Variants in CAMTA1 observed in about 807,000 individuals in gnomAD.
CAMTA1 encodes the protein calmodulin binding transcription activator 1, also known as calmodulin-binding transcription activator 1.
In CAMTA1, 27 loss-of-function variants were observed where a neutral mutation model predicts 170.9. The observed-to-expected ratio is 0.16, with a 90% CI of 0.12 to 0.22. The LOEUF (loss-of-function observed/expected upper bound fraction) is 0.22. Among genes scored for constraint, CAMTA1 ranks in the 10% least tolerant of loss-of-function variants. The pLI, the probability that CAMTA1 is intolerant of heterozygous loss-of-function variation, is 1.00. For synonymous variants in CAMTA1, 833 were observed against 891.5 expected (o/e 0.93, Z 1.17); for missense variants, 1,619 against 2,217.2 (o/e 0.73, Z 5.42).
intron 3 of CAMTA1, among the ~76,000 whole-genome samples, chr1:6,894,944 G>A (rs187765031): frequency 3.9e-5 from 6 of 152,306 alleles, no homozygotes; most frequent in Admixed American, 3.9e-4. Flanking sequence ...CAGATGGAGG[G>A]TCTTTGCAAA....
At chr1:7,650,903 G>A (rs1207529661) in intron 7 of CAMTA1, among the ~76,000 whole-genome samples, 2 of 152,168 alleles carry the variant, frequency 1.3e-5, no homozygotes, top group South Asian at 2.1e-4. Context: ...AGAATACAGT[G>A]AAAATTAAAC....
intron 3 of CAMTA1, among the ~76,000 whole-genome samples, chr1:6,945,251 C>A (rs192763496): frequency 5.8e-4 from 88 of 152,304 alleles, no homozygotes; most frequent in Admixed American, 1.4e-3. Context: ...TTAGTGTATT[C>A]AGGCAGTTGT....
intron 5 of CAMTA1, among the ~76,000 whole-genome samples, chr1:7,318,602 C>G (rs1677892424): frequency 1.3e-5 from 2 of 152,154 alleles, no homozygotes; most frequent in Non-Finnish European, 2.9e-5. Flanking sequence ...CTTAGTTGAC[C>G]ACTCAGCTGA....
chr1:7,502,903 C>A (rs1026630477), intron 6 of CAMTA1, among the ~76,000 whole-genome samples: 1 of 145,232 alleles, frequency 6.9e-6, no homozygotes, highest in African/African-American at 2.5e-5. Flanking sequence ...GTGGCCCCTG[C>A]CCCGCACCCC....
intron 4 of CAMTA1, among the ~76,000 whole-genome samples, chr1:7,104,833 A>T (rs1300365780): frequency 6.6e-6 from 1 of 152,214 alleles, no homozygotes; most frequent in Non-Finnish European, 1.5e-5. Context: ...ATGGTGACGG[A>T]TAATGGAGAG....
At position 7,007,039 on chromosome 1, in the gene CAMTA1, C is replaced by T. The variant is rs895175922; in HGVS notation, c.235-84265C>T. On this transcript the variant is annotated intron_variant, in intron 3 of 22. Transcript: ENST00000303635. This position sits in a 1 kb window ranked among gnomAD's most constrained non-coding sequence, Gnocchi z 4.5. ...AAAAAAAAATAAGAATTTTTGGATA[C>T]GGTATTAATAATGTTACGGAATGGG... is the stretch of plus-strand genomic sequence containing the variant. Among the ~76,000 whole-genome samples the T allele has an allele frequency of 2.0e-5, 3 of 150,986 alleles. 1 individual carries two copies. Among genetic ancestry groups the T allele is most frequent in the African/African-American group, 7.3e-5 (3 of 41,040 alleles).
intron 5 of CAMTA1, among the ~76,000 whole-genome samples, chr1:7,354,090 A>C (rs1039531000): frequency 6.6e-6 from 1 of 151,294 alleles, no homozygotes; most frequent in Non-Finnish European, 1.5e-5. Flanking sequence ...CCATGATTTC[A>C]TTCCTCTTTT....
rs142945175 is a variant in CAMTA1, at chr1:7,592,326, G to A, written c.511-48074G>A. The stretch of plus-strand genomic sequence containing the variant: ...TAGCTCACCGGACTGGCAGCAGACA[G>A]CATCTGGTCACATCTCTCTCGCCAG... On this transcript the variant is annotated intron_variant, in intron 6 of 22. Transcript: ENST00000303635. The surrounding 1 kb of genome is among the most constrained non-coding windows in gnomAD (Gnocchi z 4.6). Among the ~76,000 whole-genome samples, 17 of 152,318 alleles carry A rather than the reference G, an allele frequency of 1.1e-4. No homozygotes were observed. The East Asian group carries it at 3.3e-3, about 29-fold the overall frequency.
intron 3 of CAMTA1, among the ~76,000 whole-genome samples, chr1:6,904,555 T>TC (rs1367014383): frequency 4.0e-5 from 6 of 150,970 alleles, no homozygotes; most frequent in East Asian, 1.9e-4. Context: ...TTTCTTTCTT[T>TC]TTTTTTTTTT....
intron 3 of CAMTA1, among the ~76,000 whole-genome samples, chr1:6,979,783 T>A (rs914430839): frequency 2.6e-5 from 4 of 152,068 alleles, no homozygotes; most frequent in Non-Finnish European, 4.4e-5. Context: ...CACTGTCGCC[T>A]CATGGTGGCG....
intron 3 of CAMTA1, among the ~76,000 whole-genome samples, chr1:6,969,897 T>C (rs898075885): frequency 6.6e-6 from 1 of 152,218 alleles, no homozygotes; most frequent in African/African-American, 2.4e-5. Flanking sequence ...TCATCTTACC[T>C]GACAGTATCA....
intron 5 of CAMTA1, among the ~76,000 whole-genome samples, chr1:7,464,759 A>AT (rs1164640847): frequency 1.3e-5 from 2 of 152,132 alleles, no homozygotes; most frequent in African/African-American, 4.8e-5. Flanking sequence ...GGGGGGTCCA[A>AT]GGAGCATCCC....
intron 5 of CAMTA1, among the ~76,000 whole-genome samples, chr1:7,284,208 T>C (rs911968246): frequency 6.2e-5 from 9 of 144,792 alleles, no homozygotes; most frequent in Admixed American, 5.5e-4. Flanking sequence ...ATTATTATTA[T>C]TATTATTATT....
chr1:6,979,811 C>T (rs1262803177), intron 3 of CAMTA1, among the ~76,000 whole-genome samples: 1 of 150,758 alleles, frequency 6.6e-6, no homozygotes, highest in African/African-American at 2.5e-5. Flanking sequence ...GGGAGAGGAC[C>T]CCCGGCACCC....
chr1:7,454,218 C>T (rs1195221902), intron 5 of CAMTA1, among the ~76,000 whole-genome samples: 2 of 152,190 alleles, frequency 1.3e-5, no homozygotes, highest in African/African-American at 4.8e-5. Context: ...CAGAGGCGAC[C>T]TCGCCTCACA....
intron 3 of CAMTA1, among the ~76,000 whole-genome samples, chr1:6,845,000 C>G (rs1657484600): frequency 6.6e-6 from 1 of 151,972 alleles, no homozygotes; most frequent in African/African-American, 2.4e-5. Flanking sequence ...TGGGGAAAAG[C>G]TGGAAAAATG....
chr1:6,825,604 A>T (rs769930069), intron 3 of CAMTA1, among the ~76,000 whole-genome samples: 1 of 152,168 alleles, frequency 6.6e-6, no homozygotes, highest in South Asian at 2.1e-4. Context: ...TGACAATGTG[A>T]ATTTTTGTAG....
chr1:7,654,615 CACAA>C (rs2095868437), intron 7 of CAMTA1, among the ~76,000 whole-genome samples: 1 of 149,596 alleles, frequency 6.7e-6, no homozygotes, highest in South Asian at 2.1e-4. Flanking sequence ...CTCCTATACA[CACAA>C]ACACACCCAT....
chr1:6,878,013 G>A (rs754369291), intron 3 of CAMTA1, among the ~76,000 whole-genome samples: 3 of 152,184 alleles, frequency 2.0e-5, no homozygotes, highest in Non-Finnish European at 4.4e-5. Flanking sequence ...AGGAACAGGA[G>A]CTGATAGACT....
Sources: allele counts gnomAD v4.1 joint callset (sites outside exome capture counted in the v4.1 genomes callset), GRCh38; gene constraint gnomAD v4.1.1; non-coding constraint Gnocchi (gnomAD v3.1); transcripts MANE v1.5; gene names NCBI Gene and HGNC (gene_info 2026-07-23, HGNC 2026-07-21).